MECOM: variants seen among roughly 807,000 people sequenced by gnomAD.
MECOM encodes histone-lysine N-methyltransferase MECOM.
In MECOM, 13 loss-of-function variants were observed where a neutral mutation model predicts 116.3. The observed-to-expected ratio is 0.11, with a 90% CI of 0.07 to 0.18. The LOEUF (loss-of-function observed/expected upper bound fraction) is 0.18, where lower values mean the gene tolerates loss of function less well. MECOM is among the 10% of genes least tolerant of loss of function. The pLI, the probability that MECOM is intolerant of heterozygous loss-of-function variation, is 1.00. For synonymous variants in MECOM, 528 were observed against 535.2 expected (o/e 0.99, Z 0.19); for missense variants, 1,299 against 1,509.0 (o/e 0.86, Z 2.31).
chr3:169,642,383 C>T (rs1200687327), intron 1 of MECOM, among the ~76,000 whole-genome samples: 6 of 148,136 alleles, frequency 4.1e-5, no homozygotes, highest in South Asian at 2.1e-4. Flanking sequence ...AAGAAAACTA[C>T]AAATTGTGAG....
At chr3:169,609,655 T>C (rs1485289305) in intron 1 of MECOM, among the ~76,000 whole-genome samples, 1 of 152,148 alleles carries the variant, frequency 6.6e-6, no homozygotes, top group Non-Finnish European at 1.5e-5. Flanking sequence ...TCTCTGTAAA[T>C]AAAAGGTTTA....
intron 1 of MECOM, among the ~76,000 whole-genome samples, chr3:169,570,381 C>A (rs999050369): frequency 1.3e-5 from 2 of 152,118 alleles, no homozygotes; most frequent in African/African-American, 2.4e-5. Flanking sequence ...CAGGACCAGA[C>A]GGATTCACAG....
In MECOM at chr3:169,261,579, T is replaced by C. The variant is rs562978011; in HGVS notation, c.376-117747A>G. 3.9e-5 allele frequency among the ~76,000 whole-genome samples: 6 copies of C among 152,216 alleles called. No individual in the cohort carries two copies. In the South Asian group the frequency reaches 1.2e-3, roughly 32 times the overall value. ...AGCTGGGCATGGTGGCGGGCACCTG[T>C]AATCCCAGCTACTCGGGAGGCTGAA... On this transcript the variant is annotated intron_variant, in intron 2 of 16. Transcript: ENST00000651503.
chr3:169,416,701 G>A (rs938418525), intron 1 of MECOM, among the ~76,000 whole-genome samples: 9 of 151,908 alleles, frequency 5.9e-5, no homozygotes, highest in African/African-American at 2.2e-4. Flanking sequence ...AAAGAGGATA[G>A]CACCACTGAC....
chr3:169,149,932 TC>T (rs1740899406), intron 2 of MECOM, among the ~76,000 whole-genome samples: 2 of 113,702 alleles, frequency 1.8e-5, no homozygotes, highest in African/African-American at 6.5e-5. Flanking sequence ...TCTTTCTCTC[TC>T]TCTGTGTGTG....
intron 2 of MECOM, among the ~76,000 whole-genome samples, chr3:169,346,999 T>C (rs954526734): frequency 2.6e-5 from 4 of 152,102 alleles, no homozygotes; most frequent in Non-Finnish European, 5.9e-5. Context: ...CAAATTATGG[T>C]ATATCCATTC....
chr3:169,148,854 G>T (rs1017596760), intron 2 of MECOM, among the ~76,000 whole-genome samples: 1 of 152,160 alleles, frequency 6.6e-6, no homozygotes, highest in African/African-American at 2.4e-5. Context: ...ATTTGTTTCG[G>T]TGGCCTGTTA....
chr3:169,543,938 T>C (rs1226799373), intron 1 of MECOM, among the ~76,000 whole-genome samples: 2 of 152,244 alleles, frequency 1.3e-5, no homozygotes, highest in African/African-American at 2.4e-5. Context: ...CAGGCTGGAA[T>C]GCAGTGGCAC....
chr3:169,230,825 G>A (rs750950647), intron 2 of MECOM, among the ~76,000 whole-genome samples: 20 of 152,058 alleles, frequency 1.3e-4, no homozygotes, highest in Admixed American at 5.2e-4. Context: ...AATAGTTGCC[G>A]CAACATACAG....
At position 169,517,462 on chromosome 3, in the gene MECOM, A is replaced by G. The variant is rs534919924; in HGVS notation, c.38-135938T>C. Among the ~76,000 whole-genome samples the G allele has an allele frequency of 4.6e-5, 7 of 152,246 alleles. No individual in the cohort carries two copies. The South Asian group carries it at 1.2e-3, about 27-fold the overall frequency. On this transcript the variant is annotated intron_variant, in intron 1 of 16. Transcript: ENST00000651503. Reference sequence around the variant, plus strand: ...CCTAAGCATGTAGACGTTTTAGACTATAAGGGGAAAAAAGATATTGCTAGC... The same window carrying G: ...CCTAAGCATGTAGACGTTTTAGACTGTAAGGGGAAAAAAGATATTGCTAGC...
intron 1 of MECOM, among the ~76,000 whole-genome samples, chr3:169,551,669 T>C (rs1301252292): frequency 2.0e-5 from 3 of 152,192 alleles, no homozygotes; most frequent in East Asian, 1.9e-4. Flanking sequence ...AAGTTAAATA[T>C]AGAGTTACTA....
In MECOM at chr3:169,433,223, C is replaced by T. The variant is rs942007996; in HGVS notation, c.38-51699G>A. ...GTGACTCACACCTGTAATCACAGCACTTTGGGAGGCCAAGGCGGGTGGATC... is the reference window on the plus strand; with the variant it reads ...GTGACTCACACCTGTAATCACAGCATTTTGGGAGGCCAAGGCGGGTGGATC... On this transcript the variant is annotated intron_variant, in intron 1 of 16. Coordinates refer to ENST00000651503, the MANE Select transcript of MECOM (RefSeq NM_004991.4). Among the ~76,000 whole-genome samples the T allele has an allele frequency of 3.3e-5, 5 of 152,172 alleles. No homozygotes were observed. In the South Asian group the frequency reaches 1.0e-3, roughly 32 times the overall value.
chr3:169,423,107 T>C (rs1306177171), intron 1 of MECOM, among the ~76,000 whole-genome samples: 1 of 152,010 alleles, frequency 6.6e-6, no homozygotes, highest in African/African-American at 2.4e-5. Context: ...AGGTGAACCC[T>C]GAGATTGTGC....
chr3:169,455,429 T>C (rs1746312358), intron 1 of MECOM, among the ~76,000 whole-genome samples: 1 of 152,194 alleles, frequency 6.6e-6, no homozygotes, highest in South Asian at 2.1e-4. Context: ...GGCACCTGAA[T>C]CAAGAGAAAA....
chr3:169,413,420 C>G (rs1737916899), intron 1 of MECOM, among the ~76,000 whole-genome samples: 1 of 152,202 alleles, frequency 6.6e-6, no homozygotes, highest in African/African-American at 2.4e-5. Context: ...AAGCACAAAC[C>G]TGGGGGGCCA....
At chr3:169,103,046 T>C (rs892649673) in intron 10 of MECOM, among the ~76,000 whole-genome samples, 1 of 151,006 alleles carries the variant, frequency 6.6e-6, no homozygotes, top group African/African-American at 2.4e-5. Context: ...GTTTATAATC[T>C]TCAAGTTTTT....
chr3:169,147,779 A>C, intron 2 of MECOM: 5 of 793,384 alleles, frequency 6.3e-6, no homozygotes, highest in Non-Finnish European at 7.4e-6. Context: ...AGAGAGAGAG[A>C]TGGGGGATGG....
At chr3:169,216,279 C>T (rs1466426930) in intron 2 of MECOM, among the ~76,000 whole-genome samples, 2 of 152,106 alleles carry the variant, frequency 1.3e-5, no homozygotes, top group Non-Finnish European at 2.9e-5. Context: ...AAATGACGAC[C>T]ATCTAAACTA....
intron 2 of MECOM, among the ~76,000 whole-genome samples, chr3:169,300,430 G>A (rs1449298398): frequency 3.9e-5 from 6 of 152,064 alleles, no homozygotes; most frequent in Admixed American, 1.3e-4. Context: ...AAATACCTAT[G>A]GTTATACTAT....
Sources: gnomAD v4.1 joint callset for allele counts (sites outside exome capture counted in the v4.1 genomes callset) on GRCh38, gnomAD v4.1.1 for gene constraint, MANE v1.5 for transcripts, NCBI Gene and HGNC (gene_info 2026-07-23, HGNC 2026-07-21) for gene names.